Variants in GTF3C1 observed in about 807,000 individuals in gnomAD.
GTF3C1 encodes the protein general transcription factor IIIC subunit 1, also known as general transcription factor 3C polypeptide 1.
Under a neutral mutation model 226.7 loss-of-function variants are expected in GTF3C1, and 57 were observed. The ratio of observed to expected loss-of-function variants is 0.25; its 90% CI spans 0.20 to 0.31. The LOEUF (loss-of-function observed/expected upper bound fraction) is 0.31, where lower values mean the gene tolerates loss of function less well. Ranked by LOEUF, GTF3C1 falls within the 10% of genes least tolerant of loss-of-function variation. The probability of loss-of-function intolerance (pLI) is 1.00; values close to 1 mark genes in which losing one functional copy is unlikely to be tolerated. For missense variants in GTF3C1, 2,217 were observed against 2,776.1 expected, an observed-to-expected ratio of 0.80 and a Z score of 4.53; for synonymous variants, 1,090 against 1,084.8, an observed-to-expected ratio of 1.00 and a Z score of -0.09.
At chr16:27,539,685 G>C (rs920859370) in intron 2 of GTF3C1, among the ~76,000 whole-genome samples, 1 of 152,170 alleles carries the variant, frequency 6.6e-6, no homozygotes. Flanking sequence ...AATTTCCATC[G>C]TAACAGTATT....
In GTF3C1 at chr16:27,495,227, C is replaced by T. The variant is rs2088297938; in HGVS notation, c.2616G>A (p.Glu872=). The part of the protein sequence containing the change: ...QDGVTWEAEV[E]LATETVYVDD... The stretch of plus-strand genomic sequence containing the variant: ...GCCTCTCACCTGTCTCCGTGGCAAG[C>T]TCCACTTCAGCCTCCCAGGTGACAC... Residue 872 remains glutamate, a synonymous_variant, in exon 15 of 37, where the codon GAG becomes GAA. Transcript: ENST00000356183. 1 of 1,611,238 alleles carries T rather than the reference C, an allele frequency of 6.2e-7. No homozygotes were observed. The highest frequency in any genetic ancestry group is 1.1e-5 in the South Asian group (1 of 91,052).
chr16:27,472,344 C>A (rs1396156835), intron 29 of GTF3C1, among the ~76,000 whole-genome samples: 1 of 152,228 alleles, frequency 6.6e-6, no homozygotes, highest in Non-Finnish European at 1.5e-5. Flanking sequence ...GTGCCACCTG[C>A]ACTGGCCCAT....
intron 4 of GTF3C1, 81 bp from the exon 5 acceptor site, chr16:27,533,468 A>G (rs1350739496): frequency 3.3e-5 from 25 of 760,404 alleles, no homozygotes; most frequent in Non-Finnish European, 5.5e-5. Context: ...AAAGATGACA[A>G]AGCAAGACTT....
At chr16:27,498,969 G>A (rs751760515) in intron 12 of GTF3C1, among the ~76,000 whole-genome samples, 19 of 152,178 alleles carry the variant, frequency 1.2e-4, no homozygotes, top group Admixed American at 7.2e-4. Flanking sequence ...GGGGCTGCTC[G>A]GTCCCACTGA....
intron 11 of GTF3C1, among the ~76,000 whole-genome samples, chr16:27,501,663 C>T (rs2088406155): frequency 6.6e-6 from 1 of 152,202 alleles, no homozygotes. Flanking sequence ...TTCACCAAGT[C>T]GAATGCTAAT....
intron 1 of GTF3C1, among the ~76,000 whole-genome samples, chr16:27,547,521 T>G (rs1463972142): frequency 6.6e-6 from 1 of 152,076 alleles, no homozygotes; most frequent in East Asian, 1.9e-4. Context: ...AGCAGCCTAC[T>G]ATGTCTTGAC....
At chr16:27,501,579 T>C (rs1050236082) in intron 11 of GTF3C1, among the ~76,000 whole-genome samples, 1 of 152,208 alleles carries the variant, frequency 6.6e-6, no homozygotes, top group African/African-American at 2.4e-5. Context: ...GCTGAGCCTT[T>C]CACCGGCAAC....
chr16:27,522,690 G>A (rs1368688877), intron 6 of GTF3C1, among the ~76,000 whole-genome samples: 1 of 152,170 alleles, frequency 6.6e-6, no homozygotes, highest in African/African-American at 2.4e-5. Context: ...ATTCGTCTGG[G>A]GAGTATCACC....
Position 27,465,289 on chromosome 16 carries a change from G to A in GTF3C1, c.5326C>T (p.Arg1776Cys), listed in dbSNP as rs746307799. Reference sequence around the variant, plus strand: ...ATGCAATCTGCGAATGTCCTGGTGCGCCCACCACCTGCCTTCTCCAAGGCC... The same window carrying A: ...ATGCAATCTGCGAATGTCCTGGTGCACCCACCACCTGCCTTCTCCAAGGCC... The part of the protein sequence containing the change: ...FSALEKAGGG[R>C]TRTFADCIQA... The change falls in exon 33 of 37, where the codon CGC (arginine) becomes TGC (cysteine). Residue 1776 changes from arginine to cysteine, a missense_variant. This residue lies in a region of GTF3C1 where 455 missense variants were observed against 441.9 expected (regional missense o/e 1.03). Coordinates refer to ENST00000356183, the MANE Select transcript of GTF3C1 (RefSeq NM_001520.4). 1.1e-5 allele frequency: 18 copies of A among 1,613,968 alleles called. No homozygotes were observed. The highest frequency in any genetic ancestry group is 1.4e-5 in the Non-Finnish European group (16 of 1,180,024).
chr16:27,521,433 GT>G (rs1368298811), intron 6 of GTF3C1, among the ~76,000 whole-genome samples: 4 of 152,224 alleles, frequency 2.6e-5, no homozygotes, highest in Admixed American at 1.3e-4. Context: ...TGTCCCCAGT[GT>G]GCTCTTCTGA....
At chr16:27,547,731 T>C (rs1030511210) in intron 1 of GTF3C1, among the ~76,000 whole-genome samples, 26 of 152,186 alleles carry the variant, frequency 1.7e-4, no homozygotes, top group African/African-American at 5.5e-4. Context: ...TGGCACAATC[T>C]CGGCTCACTG....
At position 27,489,726 on chromosome 16, in the gene GTF3C1, G is replaced by A. The variant is rs1213700484; in HGVS notation, c.3169C>T (p.Arg1057Cys). Residue 1057 changes from arginine to cysteine, a missense_variant, in exon 20 of 37, where the codon CGC becomes TGC. This residue lies in a region of GTF3C1 where 353 missense variants were observed against 411.7 expected (regional missense o/e 0.86). Coordinates refer to ENST00000356183, the MANE Select transcript of GTF3C1 (RefSeq NM_001520.4). Reference sequence around the variant, plus strand: ...TCTGTGCTGCTGTTCTTCCTGACGCGCGGGCAGCGCACCACGCCTGGAAAA... The same window carrying A: ...TCTGTGCTGCTGTTCTTCCTGACGCACGGGCAGCGCACCACGCCTGGAAAA... ...NTPLGVVRCP[R>C]VRKNSSTDQG... 21 of 1,611,578 alleles carry A rather than the reference G, an allele frequency of 1.3e-5. No homozygotes were observed. The highest frequency in any genetic ancestry group is 5.0e-5 in the Admixed American group (3 of 59,946).
At chr16:27,505,133 T>A (rs1393528048) in intron 10 of GTF3C1, among the ~76,000 whole-genome samples, 2 of 152,318 alleles carry the variant, frequency 1.3e-5, no homozygotes, top group South Asian at 4.1e-4. Flanking sequence ...AATCACATAA[T>A]GGGAAAGACA....
At chr16:27,538,851 C>T (rs1054512746) in intron 2 of GTF3C1, among the ~76,000 whole-genome samples, 3 of 152,072 alleles carry the variant, frequency 2.0e-5, no homozygotes, top group African/African-American at 7.2e-5. Context: ...GGTCGCAGCT[C>T]AGTTGTCAAC....
At chr16:27,536,473 T>C (rs1272432075) in intron 4 of GTF3C1, among the ~76,000 whole-genome samples, 1 of 152,196 alleles carries the variant, frequency 6.6e-6, no homozygotes, top group Admixed American at 6.5e-5. Flanking sequence ...GGCAGGTGCC[T>C]GTAGTCCCAG....
chr16:27,522,273 C>A (rs1174678770), intron 6 of GTF3C1, among the ~76,000 whole-genome samples: 2 of 152,244 alleles, frequency 1.3e-5, no homozygotes, highest in African/African-American at 4.8e-5. Flanking sequence ...CTGCACCCCT[C>A]CCCTAAGCAC....
rs138876478 is a variant in GTF3C1 at position 27,487,695 on chromosome 16, A to G, written c.3700+532T>C. On this transcript the variant is annotated intron_variant, in intron 23 of 36. Transcript: ENST00000356183. ...GTAATCCCAGCTACTTGAGAGGCTG[A>G]GGCAGGAGAATTGCTTGAGCCCAGG... is the stretch of plus-strand genomic sequence containing the variant. 6.0e-3 allele frequency among the ~76,000 whole-genome samples: 912 copies of G among 152,340 alleles called. 12 individuals are homozygous for G. The highest frequency in any genetic ancestry group is 0.021 in the African/African-American group (884 of 41,572).
chr16:27,480,347 A>C (rs1313943545), intron 27 of GTF3C1, among the ~76,000 whole-genome samples: 2 of 152,226 alleles, frequency 1.3e-5, no homozygotes, highest in Non-Finnish European at 1.5e-5. Context: ...TGCAAACCAG[A>C]AACAAAACCC....
At chr16:27,500,900 A>G (rs1341906892) in intron 12 of GTF3C1, among the ~76,000 whole-genome samples, 2 of 152,150 alleles carry the variant, frequency 1.3e-5, no homozygotes, top group South Asian at 2.1e-4. Flanking sequence ...TTGTCCCTCA[A>G]TGACTGAACT....
Sources: gnomAD v4.1 joint callset for allele counts (sites outside exome capture counted in the v4.1 genomes callset) on GRCh38, gnomAD v4.1.1 for gene constraint, gnomAD v4.1.1 regional missense constraint, MANE v1.5 for transcripts, NCBI Gene and HGNC (gene_info 2026-07-23, HGNC 2026-07-21) for gene names.